EPHB2: variants seen among roughly 807,000 people sequenced by gnomAD.
EPHB2 encodes EPH receptor B2.
EPHB2 carries 18 observed loss-of-function variants against 96.4 expected under a neutral mutation model. The ratio of observed to expected loss-of-function variants is 0.19; its 90% CI spans 0.13 to 0.28. The LOEUF (loss-of-function observed/expected upper bound fraction) is 0.28. Among genes scored for constraint, EPHB2 ranks in the 10% least tolerant of loss-of-function variants. The probability of loss-of-function intolerance (pLI) is 1.00; values close to 1 mark genes in which losing one functional copy is unlikely to be tolerated. For missense variants in EPHB2, 989 were observed against 1,355.4 expected (o/e 0.73, Z 4.25); for synonymous variants, 506 against 534.1 (o/e 0.95, Z 0.72).
intron 3 of EPHB2, among the ~76,000 whole-genome samples, chr1:22,787,048 C>T (rs1170331179): frequency 6.6e-6 from 1 of 152,214 alleles, no homozygotes; most frequent in African/African-American, 2.4e-5. Flanking sequence ...TGAGCCTGCT[C>T]TGTGTTAGAC....
chr1:22,815,146 C>A (rs1645054784), intron 3 of EPHB2, among the ~76,000 whole-genome samples: 2 of 152,186 alleles, frequency 1.3e-5, no homozygotes, highest in Admixed American at 6.5e-5. Context: ...GACGGCAGAG[C>A]CATGTGGGCC....
chr1:22,741,254 T>C (rs1643898746), intron 1 of EPHB2, among the ~76,000 whole-genome samples: 1 of 152,104 alleles, frequency 6.6e-6, no homozygotes, highest in Admixed American at 6.5e-5. Context: ...TCTCTCGCTA[T>C]GGGGCTGCTG....
intron 3 of EPHB2, among the ~76,000 whole-genome samples, chr1:22,831,419 T>C (rs1645301987): frequency 6.6e-6 from 1 of 152,106 alleles, no homozygotes; most frequent in Non-Finnish European, 1.5e-5. Flanking sequence ...TGTAATAGCA[T>C]TGATCTATCC....
At chr1:22,818,351 C>G (rs1358810901) in intron 3 of EPHB2, among the ~76,000 whole-genome samples, 1 of 152,076 alleles carries the variant, frequency 6.6e-6, no homozygotes, top group Non-Finnish European at 1.5e-5. Context: ...TAGTTACCTT[C>G]CCTCCTGGCC....
chr1:22,747,691 C>T (rs919955949), intron 1 of EPHB2, among the ~76,000 whole-genome samples: 7 of 152,334 alleles, frequency 4.6e-5, no homozygotes, highest in East Asian at 1.9e-4. Context: ...GCAAGCGAGC[C>T]GTCGGGGTTC....
intron 1 of EPHB2, among the ~76,000 whole-genome samples, chr1:22,726,421 T>C (rs1027030145): frequency 6.7e-6 from 1 of 149,732 alleles, no homozygotes; most frequent in Non-Finnish European, 1.5e-5. Context: ...TTTCTTTTTT[T>C]TTCTTTTTTT....
chr1:22,723,262 G>T (rs954914268), intron 1 of EPHB2, among the ~76,000 whole-genome samples: 1 of 152,258 alleles, frequency 6.6e-6, no homozygotes, highest in Admixed American at 6.5e-5. Flanking sequence ...GGGAGGCAGA[G>T]CCTGGGAACA....
chr1:22,800,229 A>G (rs1046401882), intron 3 of EPHB2: 9 of 152,260 alleles, frequency 5.9e-5, no homozygotes, highest in Non-Finnish European at 1.2e-4. Flanking sequence ...CCATACGTGC[A>G]CTAGCGTACC....
chr1:22,891,492 G>C (rs1028535507), intron 6 of EPHB2, among the ~76,000 whole-genome samples: 1 of 152,228 alleles, frequency 6.6e-6, no homozygotes, highest in Non-Finnish European at 1.5e-5. Context: ...CTGTGCCTTA[G>C]CTCCCTGTAG....
At chr1:22,792,201 T>G (rs907119097) in intron 3 of EPHB2, among the ~76,000 whole-genome samples, 13 of 103,392 alleles carry the variant, frequency 1.3e-4, no homozygotes, top group South Asian at 3.4e-4. Context: ...TCTGCGGGGG[T>G]GGGGTGCGGT....
At chr1:22,774,760 C>T (rs1644424883) in intron 1 of EPHB2, 1 of 306,582 alleles carries the variant, frequency 3.3e-6, no homozygotes, top group Non-Finnish European at 4.8e-6. Flanking sequence ...CATCACCCAG[C>T]TGCTGTGTGG....
chr1:22,784,487 G>T lies in EPHB2; in HGVS notation c.222G>T (p.Arg74=), dbSNP rs1644579183. The change falls in exon 3 of 16, where the codon CGG becomes CGT. Residue 74 remains arginine, a synonymous_variant. Transcript: ENST00000374630. This position sits in a 1 kb window ranked among gnomAD's most constrained non-coding sequence, Gnocchi z 5.1. ...VFESSQNNWL[R]TKFIRRRGAH... is the part of the protein sequence containing the mutation. ...AGTCAAGCCAGAACAACTGGCTACG[G>T]ACCAAGTTTATCCGGCGCCGTGGCG... 1 of 1,614,014 alleles carries T rather than the reference G, an allele frequency of 6.2e-7. No homozygotes were observed.
chr1:22,908,195 G>A, intron 12 of EPHB2, 27 bp downstream of exon 12: 1 of 1,613,436 alleles, frequency 6.2e-7, no homozygotes, highest in Non-Finnish European at 8.5e-7. Context: ...GAACACCGGA[G>A]TCACAGAGCC....
Position 22,882,645 on chromosome 1 carries a change from G to A in EPHB2, c.1428+162G>A, listed in dbSNP as rs186165832. The A allele has an allele frequency of 7.2e-3, 7,949 of 1,103,384 alleles. 50 individuals carry two copies. The highest frequency in any genetic ancestry group is 0.02 in the Middle Eastern group (64 of 3,274). The allele number at this position is 1,103,384 out of a possible 1,614,324, so 68.3% of individuals were successfully genotyped here. ...GCTGCCTGGCTCCCAATCCAGCTCC[G>A]CTCCTTCCCACTGTGAGACCTCAGG... On this transcript the variant is annotated intron_variant, in intron 6 of 15. Transcript: ENST00000374630.
chr1:22,826,822 C>G (rs1204005206), intron 3 of EPHB2, among the ~76,000 whole-genome samples: 1 of 152,200 alleles, frequency 6.6e-6, no homozygotes, highest in Non-Finnish European at 1.5e-5. Context: ...TCACGCCTGC[C>G]TCCCCCAGGA....
intron 1 of EPHB2, among the ~76,000 whole-genome samples, chr1:22,712,794 G>A (rs1365017556): frequency 6.6e-6 from 1 of 152,236 alleles, no homozygotes; most frequent in Non-Finnish European, 1.5e-5. Context: ...TATTAACTCT[G>A]GCTTTGGGGA....
chr1:22,884,450 T>C (rs1167616910), intron 6 of EPHB2, among the ~76,000 whole-genome samples: 3 of 151,872 alleles, frequency 2.0e-5, no homozygotes, highest in Non-Finnish European at 4.4e-5. Context: ...TGAAACCCCA[T>C]CTCTACTGAA....
At chr1:22,847,280 C>T (rs1188278914) in intron 3 of EPHB2, among the ~76,000 whole-genome samples, 1 of 152,202 alleles carries the variant, frequency 6.6e-6, no homozygotes, top group African/African-American at 2.4e-5. Context: ...TGCCCAAGGT[C>T]AGTGGCAGAC....
At position 22,858,906 on chromosome 1, in the gene EPHB2, A is replaced by G. The variant is rs76296119; in HGVS notation, c.812-4131A>G. On this transcript the variant is annotated intron_variant, in intron 3 of 15. Coordinates refer to ENST00000374630, the MANE Select transcript of EPHB2 (RefSeq NM_017449.5). This position sits in a 1 kb window ranked among gnomAD's most constrained non-coding sequence, Gnocchi z 7.7. Reference sequence around the variant, plus strand: ...TCCACCCATCACCCACTAGAAACCCAGCATTATACTGGGAGTTTACAGTCC... The same window carrying G: ...TCCACCCATCACCCACTAGAAACCCGGCATTATACTGGGAGTTTACAGTCC... 6.6e-6 allele frequency among the ~76,000 whole-genome samples: 1 copy of G among 152,204 alleles called. No homozygotes were observed. Among genetic ancestry groups the G allele is most frequent in the Non-Finnish European group, 1.5e-5 (1 of 68,042 alleles).
Sources: allele counts gnomAD v4.1 joint callset (sites outside exome capture counted in the v4.1 genomes callset), GRCh38; gene constraint gnomAD v4.1.1; non-coding constraint Gnocchi (gnomAD v3.1); transcripts MANE v1.5; gene names NCBI Gene and HGNC (gene_info 2026-07-23, HGNC 2026-07-21).